Variants in LEPR observed in about 807,000 individuals in gnomAD.
The protein encoded by LEPR is leptin receptor.
Under a neutral mutation model 114.7 loss-of-function variants are expected in LEPR, and 56 were observed. The observed-to-expected ratio is 0.49, with a 90% CI of 0.39 to 0.61. The LOEUF (loss-of-function observed/expected upper bound fraction) is 0.61, where lower values mean the gene tolerates loss of function less well. Among genes scored for constraint, LEPR ranks in the 20% least tolerant of loss-of-function variants. The pLI is 0.00. For synonymous variants in LEPR, 443 were observed against 461.4 expected (o/e 0.96, Z 0.51); for missense variants, 1,202 against 1,352.9 (o/e 0.89, Z 1.75).
intron 2 of LEPR, among the ~76,000 whole-genome samples, chr1:65,548,461 C>T (rs917887155): frequency 3.3e-5 from 5 of 152,096 alleles, no homozygotes; most frequent in Non-Finnish European, 7.3e-5. Context: ...TTGTAGGTCA[C>T]TCAGGACTTG....
intron 2 of LEPR, among the ~76,000 whole-genome samples, chr1:65,499,384 T>C (rs967592917): frequency 6.6e-6 from 1 of 152,128 alleles, no homozygotes; most frequent in Non-Finnish European, 1.5e-5. Context: ...TAATATGTTT[T>C]CTGAATAATC....
intron 2 of LEPR, chr1:65,435,264 T>C (rs1246915986): frequency 1.3e-5 from 13 of 984,712 alleles, no homozygotes; most frequent in African/African-American, 1.7e-5. Flanking sequence ...ATCTCCTCAA[T>C]GAATACTGTT....
chr1:65,616,313 C>T (rs1657520637), intron 15 of LEPR, 89 bp downstream of exon 15: 3 of 1,342,036 alleles, frequency 2.2e-6, no homozygotes, highest in Non-Finnish European at 3.1e-6. Context: ...TTTCAAGCAG[C>T]CTGCAATTCT....
Position 65,570,532 on chromosome 1 carries a change from A to C in LEPR, c.100A>C (p.Lys34Gln), listed in dbSNP as rs1654082320. 1.2e-6 allele frequency: 2 copies of C among 1,613,874 alleles called. No homozygotes were observed. The highest frequency in any genetic ancestry group is 1.7e-6 in the Non-Finnish European group (2 of 1,179,956). ...LSYPITPWRFKLSCMPPNSTY... is the reference protein window; with the variant it reads ...LSYPITPWRFQLSCMPPNSTY... ...ATATCCAATTACTCCTTGGAGATTTAAGTTGTCTTGCATGCCACCAAATTC... is the reference window on the plus strand; with the variant it reads ...ATATCCAATTACTCCTTGGAGATTTCAGTTGTCTTGCATGCCACCAAATTC... The change falls in exon 4 of 20, where the codon AAG (lysine) becomes CAG (glutamine). Residue 34 changes from lysine to glutamine, a missense_variant. Transcript: ENST00000349533.
chr1:65,572,577 T>C (rs189154552), intron 5 of LEPR, 128 bp downstream of exon 5: 12 of 988,234 alleles, frequency 1.2e-5, no homozygotes, highest in African/African-American at 9.9e-5. Context: ...TTTTTTAATA[T>C]AGCATTCTGC....
chr1:65,513,471 C>T (rs1649135758), intron 2 of LEPR, among the ~76,000 whole-genome samples: 1 of 152,088 alleles, frequency 6.6e-6, no homozygotes, highest in Admixed American at 6.6e-5. Context: ...GAATTAGAAC[C>T]TGGGCTCTGG....
intron 2 of LEPR, among the ~76,000 whole-genome samples, chr1:65,450,089 T>C (rs193186190): frequency 1.5e-3 from 228 of 152,368 alleles, no homozygotes; most frequent in South Asian, 2.9e-3. Flanking sequence ...ATTAAATTTT[T>C]AGTTTAATTC....
Position 65,472,990 on chromosome 1 carries a change from C to T in LEPR, c.-21+47612C>T, listed in dbSNP as rs181137696. Among the ~76,000 whole-genome samples, 278 of 152,306 alleles carry T rather than the reference C, an allele frequency of 1.8e-3. 1 individual carries two copies. Among genetic ancestry groups the T allele is most frequent in the African/African-American group, 6.3e-3 (262 of 41,570 alleles). ...TACATAAATGCTGGCTAAATGCCCC[C>T]AGGGATGGAAGTTTACTGCCTCACA... On this transcript the variant is annotated intron_variant, in intron 2 of 19. Transcript: ENST00000349533.
intron 2 of LEPR, among the ~76,000 whole-genome samples, chr1:65,472,613 T>TACACAC (rs201774318): frequency 4.3e-5 from 4 of 93,564 alleles, no homozygotes; most frequent in South Asian, 3.4e-4. Context: ...TGTATATATA[T>TACACAC]AGACACACAC....
chr1:65,488,226 CTCTTTCTTTCTT>C (rs71577203), intron 2 of LEPR, among the ~76,000 whole-genome samples: 2 of 67,968 alleles, frequency 2.9e-5, no homozygotes, highest in East Asian at 9.7e-4. Context: ...CTCTCTCTCT[CTCTTTCTTTCTT>C]TCTTTCTTTC....
At chr1:65,479,540 C>T (rs1051842250) in intron 2 of LEPR, among the ~76,000 whole-genome samples, 2 of 152,172 alleles carry the variant, frequency 1.3e-5, no homozygotes, top group African/African-American at 4.8e-5. Flanking sequence ...ATACCAGCTT[C>T]GCTTCCAGAG....
intron 2 of LEPR, among the ~76,000 whole-genome samples, chr1:65,502,875 A>C (rs1648526962): frequency 1.4e-5 from 2 of 140,996 alleles, no homozygotes; most frequent in Non-Finnish European, 3.1e-5. Context: ...GTCAGAGAGA[A>C]TGGGGGTGGG....
rs1165679914 is a variant in LEPR at position 65,488,226 on chromosome 1, C to CTTTCTT, written c.-21+62849_-21+62850insTTCTTT. Among the ~76,000 whole-genome samples, 81 of 67,940 alleles carry CTTTCTT rather than the reference C, an allele frequency of 1.2e-3. 1 individual carries two copies. The highest frequency in any genetic ancestry group is 2.2e-3 in the African/African-American group (25 of 11,442). 44.6% of individuals were successfully genotyped at this position (67,940 alleles called of 152,430 possible). A position where few individuals can be genotyped will look rare whatever the true frequency, so the allele number is the denominator to read the frequency against. On this transcript the variant is annotated intron_variant, in intron 2 of 19. Coordinates refer to ENST00000349533, the MANE Select transcript of LEPR (RefSeq NM_002303.6). ...TTTCTTTCTTTCTCTCTCTCTCTCTCTCTTTCTTTCTTTCTTTCTTTCTTT... is the reference window on the plus strand; with the variant it reads ...TTTCTTTCTTTCTCTCTCTCTCTCTCTTTCTTTCTTTCTTTCTTTCTTTCTTTCTTT...
chr1:65,630,658 T>C (rs1658479766), intron 19 of LEPR, among the ~76,000 whole-genome samples: 1 of 151,820 alleles, frequency 6.6e-6, no homozygotes, highest in Non-Finnish European at 1.5e-5. Context: ...ATCTTCCACA[T>C]CTCTTACCTT....
At chr1:65,626,800 C>T (rs545975644) in intron 19 of LEPR, among the ~76,000 whole-genome samples, 10 of 152,012 alleles carry the variant, frequency 6.6e-5, no homozygotes, top group Admixed American at 2.6e-4. Flanking sequence ...CGTGCCACCA[C>T]GCCCGGCTAA....
chr1:65,578,455 T>C (rs1241594048), intron 5 of LEPR: 2 of 206,960 alleles, frequency 9.7e-6, no homozygotes, highest in Non-Finnish European at 1.0e-5. Flanking sequence ...ACTCAGGCTG[T>C]GGCATCTTTC....
Position 65,503,865 on chromosome 1 carries a change from C to G in LEPR, c.-20-61681C>G, listed in dbSNP as rs189866322. Reference sequence around the variant, plus strand: ...TCTGTCAGCTGAAGAGGTCAAGATACAAGGATACACCTAACAAGTCAGATC... The same window carrying G: ...TCTGTCAGCTGAAGAGGTCAAGATAGAAGGATACACCTAACAAGTCAGATC... On this transcript the variant is annotated intron_variant, in intron 2 of 19. Coordinates refer to ENST00000349533, the MANE Select transcript of LEPR (RefSeq NM_002303.6). 7.3e-5 allele frequency among the ~76,000 whole-genome samples: 11 copies of G among 151,614 alleles called. No homozygotes were observed. In the East Asian group the frequency reaches 2.1e-3, roughly 29 times the overall value.
At chr1:65,433,170 C>G (rs1646511672) in intron 2 of LEPR, 10 of 985,372 alleles carry the variant, frequency 1.0e-5, no homozygotes, top group African/African-American at 1.7e-5. Flanking sequence ...CCCTCTGCCC[C>G]CCACCCCTAC....
At position 65,618,328 on chromosome 1, in the gene LEPR, CTCTTT is replaced by C. The variant is rs760501479; in HGVS notation, c.2395+195_2395+199del. Among the ~76,000 whole-genome samples the C allele has an allele frequency of 5.3e-5, 8 of 151,930 alleles. No homozygotes were observed. In the East Asian group the frequency reaches 5.8e-4, roughly 11 times the overall value. ...AATTCTCTTCCTCTTCTCTTCTCTT[CTCTTT>C]TCTTTTCTTTTCGGCAGGGTCTCTC... is the stretch of plus-strand genomic sequence containing the variant. On this transcript the variant is annotated intron_variant, in intron 16 of 19. Transcript: ENST00000349533.
Sources: gnomAD v4.1 joint callset for allele counts (sites outside exome capture counted in the v4.1 genomes callset) on GRCh38, gnomAD v4.1.1 for gene constraint, MANE v1.5 for transcripts, NCBI Gene and HGNC (gene_info 2026-07-23, HGNC 2026-07-21) for gene names.